Variants in FBXO9 observed in about 807,000 individuals in gnomAD.
FBXO9 encodes the protein F-box protein 9.
Under a neutral mutation model 63.7 loss-of-function variants are expected in FBXO9, and 43 were observed. The observed-to-expected ratio is 0.67, with a 90% CI of 0.53 to 0.87. The LOEUF (loss-of-function observed/expected upper bound fraction) is 0.87, where lower values mean the gene tolerates loss of function less well. Ranked by LOEUF, FBXO9 falls within the 40% of genes least tolerant of loss-of-function variation. The pLI, the probability that FBXO9 is intolerant of heterozygous loss-of-function variation, is 0.00. For synonymous variants in FBXO9, 156 were observed against 171.7 expected (o/e 0.91, Z 0.72); for missense variants, 442 against 533.2 (o/e 0.83, Z 1.68).
chr6:53,093,621 G>A, intron 10 of FBXO9, 60 bp downstream of exon 10: 1 of 1,269,126 alleles, frequency 7.9e-7, no homozygotes. Context: ...GTTCCTTGCA[G>A]GTTAAAGTAA....
intron 7 of FBXO9, among the ~76,000 whole-genome samples, chr6:53,085,570 A>G (rs1445022802): frequency 1.3e-5 from 2 of 151,994 alleles, no homozygotes; most frequent in African/African-American, 4.8e-5. Flanking sequence ...TATAAATTTC[A>G]TCTAGTCTTT....
At chr6:53,089,826 C>T (rs1048820234) in intron 7 of FBXO9, among the ~76,000 whole-genome samples, 4 of 152,126 alleles carry the variant, frequency 2.6e-5, no homozygotes, top group African/African-American at 7.2e-5. Context: ...AAAGGCAAGC[C>T]GTGGAAGTAG....
chr6:53,070,172 C>A (rs1273255012), intron 1 of FBXO9, among the ~76,000 whole-genome samples: 6 of 151,554 alleles, frequency 4.0e-5, no homozygotes, highest in Admixed American at 3.3e-4. Context: ...GCGTGTACCA[C>A]CACGCCTGGC....
chr6:53,076,442 T>A (rs1769111050), intron 3 of FBXO9, 44 bp from the exon 4 acceptor site: 1 of 1,331,934 alleles, frequency 7.5e-7, no homozygotes, highest in African/African-American at 1.5e-5. Flanking sequence ...CCATACTAAT[T>A]TTTAATGCAG....
rs1464168275 is a variant in FBXO9 at position 53,097,924 on chromosome 6, GTGTATATATATATATATATATATA to G, written c.*96_*119del. 2 of 91,596 alleles carry G rather than the reference GTGTATATATATATATATATATATA, an allele frequency of 2.2e-5. No homozygotes were observed. The highest frequency in any genetic ancestry group is 3.8e-5 in the Non-Finnish European group (2 of 52,588). 5.7% of individuals were successfully genotyped at this position (91,596 alleles called of 1,614,324 possible). A position where few individuals can be genotyped will look rare whatever the true frequency, so the allele number is the denominator to read the frequency against. On this transcript the variant is annotated 3_prime_UTR_variant, in exon 13 of 13. Coordinates refer to ENST00000323557, the MANE Select transcript of FBXO9 (RefSeq NM_033480.3). ...TATAAATGTGTGTGTGTGCGTGTGT[GTGTATATATATATATATATATATA>G]TATATATATATATATATATATATAT...
intron 7 of FBXO9, among the ~76,000 whole-genome samples, chr6:53,087,000 C>T (rs541472149): frequency 6.6e-6 from 1 of 152,132 alleles, no homozygotes; most frequent in Admixed American, 6.5e-5. Flanking sequence ...GATCATGCCA[C>T]ACCAGCCTGA....
intron 9 of FBXO9, 120 bp from the exon 10 acceptor site, chr6:53,093,346 G>T: frequency 1.7e-6 from 1 of 597,030 alleles, no homozygotes; most frequent in Non-Finnish European, 2.9e-6. Flanking sequence ...CAGTTCTTTA[G>T]CCCGTGGTAT....
In FBXO9 at chr6:53,100,130, A is replaced by G. The variant is rs141561662; in HGVS notation, c.*2300A>G. 40 of 152,344 alleles carry G rather than the reference A, an allele frequency of 2.6e-4. No individual in the cohort carries two copies. Among genetic ancestry groups the G allele is most frequent in the Non-Finnish European group, 2.8e-4 (19 of 68,034 alleles). 9.4% of individuals were successfully genotyped at this position (152,344 alleles called of 1,614,324 possible). ...TTTCTGTATATTTGTAAAATGCAAA[A>G]GCAATATATATTTGTTGTGAGAAAA... On this transcript the variant is annotated 3_prime_UTR_variant, in exon 13 of 13. Coordinates refer to ENST00000323557, the MANE Select transcript of FBXO9 (RefSeq NM_033480.3).
At chr6:53,076,779 A>G (rs1172362888) in intron 4 of FBXO9, among the ~76,000 whole-genome samples, 2 of 121,424 alleles carry the variant, frequency 1.6e-5, no homozygotes, top group Non-Finnish European at 3.3e-5. Context: ...GTAAATAGTT[A>G]TTATACTGTA....
At chr6:53,078,665 T>C in intron 4 of FBXO9, 134 bp from the exon 5 acceptor site, 1 of 627,174 alleles carries the variant, frequency 1.6e-6, no homozygotes, top group Non-Finnish European at 2.9e-6. Context: ...GTCACTGAAC[T>C]GCTGTTGCAT....
rs573173320 is a variant in FBXO9 at position 53,100,274 on chromosome 6, C to T, written c.*2444C>T. The T allele has an allele frequency of 7.9e-4, 120 of 152,308 alleles. No individual in the cohort carries two copies. Among genetic ancestry groups the T allele is most frequent in the African/African-American group, 2.8e-3 (117 of 41,576 alleles). The allele number at this position is 152,308 out of a possible 1,614,324, so 9.4% of individuals were successfully genotyped here. On this transcript the variant is annotated 3_prime_UTR_variant, in exon 13 of 13. Coordinates refer to ENST00000323557, the MANE Select transcript of FBXO9 (RefSeq NM_033480.3). ...AAATCCTGCCGTAGAAACTTTTTAA[C>T]TTCAGGAGTGTCCTTCCTTTGCTCT... is the stretch of plus-strand genomic sequence containing the variant.
Position 53,077,421 on chromosome 6 carries a change from C to T in FBXO9, c.307+878C>T, listed in dbSNP as rs192884. ...CCGGGAGGCGGAGCTTGCAGTGAGC[C>T]GAGATCCCGCCACTGCACTCCAGCC... On this transcript the variant is annotated intron_variant, in intron 4 of 12. Transcript: ENST00000323557. Among the ~76,000 whole-genome samples, 7 of 143,066 alleles carry T rather than the reference C, an allele frequency of 4.9e-5. 1 individual carries two copies. The South Asian group carries it at 6.7e-4, about 14-fold the overall frequency. 93.9% of individuals were successfully genotyped at this position (143,066 alleles called of 152,430 possible).
At chr6:53,093,828 G>A (rs771310045) in intron 10 of FBXO9, 57 bp from the exon 11 acceptor site, 81 of 1,316,006 alleles carry the variant, frequency 6.2e-5, no homozygotes, top group Non-Finnish European at 7.9e-5. Context: ...TTACTTCTTA[G>A]ATTACTTAAA....
chr6:53,084,594 G>T (rs996907858), intron 7 of FBXO9, among the ~76,000 whole-genome samples: 1 of 152,180 alleles, frequency 6.6e-6, no homozygotes, highest in Admixed American at 6.5e-5. Context: ...TCATGATATT[G>T]TTGTGTGGCT....
At chr6:53,085,174 A>T (rs1430879437) in intron 7 of FBXO9, among the ~76,000 whole-genome samples, 1 of 152,198 alleles carries the variant, frequency 6.6e-6, no homozygotes, top group Non-Finnish European at 1.5e-5. Context: ...TTCTAACGTC[A>T]TAAAGACATT....
chr6:53,080,164 T>C (rs1769260653), intron 5 of FBXO9, among the ~76,000 whole-genome samples: 1 of 152,158 alleles, frequency 6.6e-6, no homozygotes, highest in African/African-American at 2.4e-5. Flanking sequence ...TCTTTTTTTT[T>C]TAAATAAGAT....
chr6:53,065,918 C>G, intron 1 of FBXO9, 126 bp downstream of exon 1: 3 of 1,185,726 alleles, frequency 2.5e-6, no homozygotes, highest in Non-Finnish European at 3.2e-6. Flanking sequence ...CGGCTGCCAC[C>G]CGTTAGAGGG....
rs1340027172 is a variant in FBXO9 at position 53,092,800 on chromosome 6, C to T, written c.839C>T (p.Ala280Val). The change falls in exon 9 of 13, where the codon GCC becomes GTC. Residue 280 changes from alanine (A) to valine (V), a missense_variant. Physicochemically the swap from Ala to Val is moderately conservative, Grantham distance 64 (BLOSUM62 0). Coordinates refer to ENST00000323557, the MANE Select transcript of FBXO9 (RefSeq NM_033480.3). ...CAGTCTCTTGATGGTTTCTATAGAGCCTGGCACCAAGTGGAATATTACAGG... is the reference window on the plus strand; with the variant it reads ...CAGTCTCTTGATGGTTTCTATAGAGTCTGGCACCAAGTGGAATATTACAGG... ...GEQSLDGFYR[A>V]WHQVEYYRYI... 6.2e-7 allele frequency: 1 copy of T among 1,611,176 alleles called. No individual in the cohort carries two copies. Among genetic ancestry groups the T allele is most frequent in the East Asian group, 2.2e-5 (1 of 44,822 alleles).
chr6:53,093,494 G>A lies in FBXO9; in HGVS notation c.892G>A (p.Val298Met), dbSNP rs1042344861. The change falls in exon 10 of 13, where the codon GTG becomes ATG. Residue 298 changes from valine to methionine, a missense_variant. By Grantham distance (21) the Val-to-Met change is conservative. Coordinates refer to ENST00000323557, the MANE Select transcript of FBXO9 (RefSeq NM_033480.3). ...CATAAGATTCTTTCCTGATGGCCAT[G>A]TGATGATGTTGACAACCCCTGAAGA... ...RYIRFFPDGH[V>M]MMLTTPEEPQ... is the part of the protein sequence containing the mutation. 4.3e-6 allele frequency: 7 copies of A among 1,613,602 alleles called. No homozygotes were observed. The African/African-American group carries it at 9.3e-5, about 22-fold the overall frequency.
Sources: gnomAD v4.1 joint callset for allele counts (sites outside exome capture counted in the v4.1 genomes callset) on GRCh38, gnomAD v4.1.1 for gene constraint, MANE v1.5 for transcripts, NCBI Gene and HGNC (gene_info 2026-07-23, HGNC 2026-07-21) for gene names.